Variants in NR3C2 observed in about 807,000 individuals in gnomAD.
NR3C2 encodes nuclear receptor subfamily 3 group C member 2.
A neutral mutation model predicts 86.4 loss-of-function variants in NR3C2; 15 were observed. The ratio of observed to expected loss-of-function variants is 0.17; its 90% CI spans 0.12 to 0.27. NR3C2 has a LOEUF of 0.27. NR3C2 is among the 10% of genes least tolerant of loss of function. The pLI is 1.00. For synonymous variants in NR3C2, 458 were observed against 450.5 expected (o/e 1.02, Z -0.21); for missense variants, 960 against 1,195.6 (o/e 0.80, Z 2.91).
At chr4:148,427,819 G>C (rs899044975) in intron 2 of NR3C2, among the ~76,000 whole-genome samples, 1 of 152,126 alleles carries the variant, frequency 6.6e-6, no homozygotes, top group African/African-American at 2.4e-5. Flanking sequence ...ACAAGGCAAA[G>C]GGACACAGAA....
intron 3 of NR3C2, among the ~76,000 whole-genome samples, chr4:148,205,602 G>A (rs1437031111): frequency 6.6e-6 from 1 of 152,194 alleles, no homozygotes. Context: ...GCTATTACAT[G>A]CCAGTTACAG....
chr4:148,201,461 T>C (rs1383873976), intron 3 of NR3C2, among the ~76,000 whole-genome samples: 10 of 152,222 alleles, frequency 6.6e-5, no homozygotes, highest in Non-Finnish European at 1.5e-5. Flanking sequence ...ATTATGGATG[T>C]GAAGGACAAT....
At chr4:148,203,529 CACTT>C (rs1281167303) in intron 3 of NR3C2, among the ~76,000 whole-genome samples, 2 of 151,616 alleles carry the variant, frequency 1.3e-5, no homozygotes, top group African/African-American at 4.9e-5. Flanking sequence ...CATCACATGT[CACTT>C]ACATAACCTT....
At chr4:148,432,891 A>C (rs780046135) in intron 2 of NR3C2, among the ~76,000 whole-genome samples, 17 of 152,184 alleles carry the variant, frequency 1.1e-4, no homozygotes, top group Non-Finnish European at 1.9e-4. Flanking sequence ...CACCAAGAAA[A>C]GCTGTAAAGA....
intron 4 of NR3C2, among the ~76,000 whole-genome samples, chr4:148,163,070 A>G (rs1275805675): frequency 6.6e-6 from 1 of 152,192 alleles, no homozygotes; most frequent in Non-Finnish European, 1.5e-5. Flanking sequence ...TTCTATTTCC[A>G]CTGAGGTCAA....
Position 148,436,717 on chromosome 4 carries a change from T to C in NR3C2, c.144A>G (p.Val48=), listed in dbSNP as rs746227480. Residue 48 remains valine, a synonymous_variant, in exon 2 of 9, where the codon GTA becomes GTG. Coordinates refer to ENST00000358102, the MANE Select transcript of NR3C2 (RefSeq NM_000901.5). ...TTGGAATAGCACCGGAAACACAGCTTACGTTGACAATCTCCATGTAGTTAT... is the reference window on the plus strand; with the variant it reads ...TTGGAATAGCACCGGAAACACAGCTCACGTTGACAATCTCCATGTAGTTAT... ...DENNYMEIVN[V]SCVSGAIPNN... The C allele has an allele frequency of 6.2e-7, 1 of 1,614,180 alleles. No individual in the cohort carries two copies. The highest frequency in any genetic ancestry group is 8.5e-7 in the Non-Finnish European group (1 of 1,180,038).
intron 2 of NR3C2, among the ~76,000 whole-genome samples, chr4:148,283,347 T>C (rs1741343689): frequency 1.3e-5 from 2 of 152,174 alleles, no homozygotes; most frequent in African/African-American, 4.8e-5. Flanking sequence ...ACTAAACTTT[T>C]AAATAAATGA....
intron 2 of NR3C2, among the ~76,000 whole-genome samples, chr4:148,306,124 T>C (rs1417486899): frequency 6.6e-6 from 1 of 152,246 alleles, no homozygotes; most frequent in African/African-American, 2.4e-5. Context: ...CAAACTGAAT[T>C]CTCTCTCTGC....
At chr4:148,203,138 T>A (rs1160650465) in intron 3 of NR3C2, among the ~76,000 whole-genome samples, 1 of 152,204 alleles carries the variant, frequency 6.6e-6, no homozygotes, top group Non-Finnish European at 1.5e-5. Context: ...TATTGCTTAA[T>A]AATTTGTTAT....
At chr4:148,270,329 C>T (rs1230646274) in intron 2 of NR3C2, among the ~76,000 whole-genome samples, 1 of 152,188 alleles carries the variant, frequency 6.6e-6, no homozygotes, top group African/African-American at 2.4e-5. Flanking sequence ...AACACAGACA[C>T]TGTTCCATCG....
Position 148,114,273 on chromosome 4 carries a change from A to C in NR3C2, c.2642-12T>G. On this transcript the variant is annotated splice_polypyrimidine_tract_variant and intron_variant, in intron 7 of 8. Transcript: ENST00000358102. Reference sequence around the variant, plus strand: ...GCCATCCTTTGGAACTGTGTTAAGGAAAACAGACATGTAAATTTCCAGGAT... The same window carrying C: ...GCCATCCTTTGGAACTGTGTTAAGGCAAACAGACATGTAAATTTCCAGGAT... 6.2e-7 allele frequency: 1 copy of C among 1,613,524 alleles called. No homozygotes were observed. Among genetic ancestry groups the C allele is most frequent in the African/African-American group, 1.3e-5 (1 of 75,050 alleles).
At chr4:148,439,747 T>C (rs1750247836) in intron 1 of NR3C2, among the ~76,000 whole-genome samples, 1 of 152,220 alleles carries the variant, frequency 6.6e-6, no homozygotes, top group Admixed American at 6.5e-5. Context: ...TCCACCTTTT[T>C]CTCAAAGAAC....
intron 2 of NR3C2, among the ~76,000 whole-genome samples, chr4:148,356,747 T>A (rs927318068): frequency 6.6e-6 from 1 of 152,204 alleles, no homozygotes; most frequent in Non-Finnish European, 1.5e-5. Flanking sequence ...AAAATAAGTC[T>A]TGTTACTAAA....
chr4:148,211,019 T>A (rs996675400), intron 3 of NR3C2, among the ~76,000 whole-genome samples: 25 of 152,290 alleles, frequency 1.6e-4, no homozygotes, highest in African/African-American at 5.8e-4. Flanking sequence ...TGGTAGTAAA[T>A]CCAGAGATGG....
chr4:148,409,521 C>T (rs112590517), intron 2 of NR3C2, among the ~76,000 whole-genome samples: 43 of 152,106 alleles, frequency 2.8e-4, no homozygotes, highest in African/African-American at 9.2e-4. Flanking sequence ...TAAACCTAAA[C>T]TTCACCTTTT....
chr4:148,227,733 T>C (rs898548420), intron 3 of NR3C2, among the ~76,000 whole-genome samples: 4 of 152,224 alleles, frequency 2.6e-5, no homozygotes, highest in Admixed American at 6.5e-5. Flanking sequence ...TATAATCTAT[T>C]CACCCTCATT....
At chr4:148,084,040 G>A (rs990228576) in intron 8 of NR3C2, among the ~76,000 whole-genome samples, 12 of 152,278 alleles carry the variant, frequency 7.9e-5, no homozygotes, top group Admixed American at 2.6e-4. Context: ...CCAAATCTAC[G>A]TTTAATTGGT....
chr4:148,141,423 C>T (rs962957590), intron 6 of NR3C2, among the ~76,000 whole-genome samples: 2 of 138,938 alleles, frequency 1.4e-5, no homozygotes, highest in Non-Finnish European at 3.1e-5. Flanking sequence ...CTCCATCTCT[C>T]TCTCTCTCTC....
intron 2 of NR3C2, among the ~76,000 whole-genome samples, chr4:148,265,829 T>C (rs962189227): frequency 4.6e-5 from 7 of 152,200 alleles, no homozygotes; most frequent in South Asian, 4.2e-4. Flanking sequence ...AAATTATTCA[T>C]TAACTAGGCC....
Sources: allele counts gnomAD v4.1 joint callset (sites outside exome capture counted in the v4.1 genomes callset), GRCh38; gene constraint gnomAD v4.1.1; transcripts MANE v1.5; gene names NCBI Gene and HGNC (gene_info 2026-07-23, HGNC 2026-07-21).